Variants in ZBTB20 observed in about 807,000 individuals in gnomAD.
ZBTB20 encodes the protein zinc finger and BTB domain containing 20.
In ZBTB20, 9 loss-of-function variants were observed where a neutral mutation model predicts 56.9. The observed-to-expected ratio is 0.16, with a 90% CI of 0.10 to 0.28. The LOEUF is 0.28. Ranked by LOEUF, ZBTB20 falls within the 10% of genes least tolerant of loss-of-function variation. ZBTB20 has a pLI of 1.00. For missense variants in ZBTB20, 655 were observed against 1,003.0 expected (o/e 0.65, Z 4.69); for synonymous variants, 417 against 420.7 (o/e 0.99, Z 0.11).
chr3:114,935,009 G>T lies in ZBTB20; in HGVS notation c.-455-34667C>A, dbSNP rs183372440. Among the ~76,000 whole-genome samples, 283 of 152,176 alleles carry T rather than the reference G, an allele frequency of 1.9e-3. 1 individual carries two copies. The highest frequency in any genetic ancestry group is 6.4e-3 in the African/African-American group (265 of 41,510). Reference sequence around the variant, plus strand: ...AGATTTGATAGGCCTATCAAAATTGGTTTTTATAGATATGATTGCTACTTT... The same window carrying T: ...AGATTTGATAGGCCTATCAAAATTGTTTTTTATAGATATGATTGCTACTTT... On this transcript the variant is annotated intron_variant, in intron 3 of 11. Coordinates refer to ENST00000675478, the MANE Select transcript of ZBTB20 (RefSeq NM_001348800.3).
intron 7 of ZBTB20, among the ~76,000 whole-genome samples, chr3:114,428,886 T>A (rs1282443776): frequency 6.6e-6 from 1 of 152,214 alleles, no homozygotes; most frequent in African/African-American, 2.4e-5. Context: ...AAGTTAATTC[T>A]GTAGTTGGCA....
intron 2 of ZBTB20, among the ~76,000 whole-genome samples, chr3:115,036,297 T>C (rs1482014666): frequency 1.3e-5 from 2 of 152,186 alleles, no homozygotes; most frequent in Non-Finnish European, 2.9e-5. Context: ...TTGTGATTTT[T>C]TTTTCTTTCT....
At chr3:114,407,913 G>A (rs535232654) in intron 7 of ZBTB20, among the ~76,000 whole-genome samples, 2 of 97,706 alleles carry the variant, frequency 2.0e-5, no homozygotes, top group African/African-American at 6.4e-5. Flanking sequence ...CCTATATGAG[G>A]GGGGGGAAAC....
Position 114,700,815 on chromosome 3 carries a change from T to C in ZBTB20, c.-342-7240A>G, listed in dbSNP as rs187141490. Among the ~76,000 whole-genome samples the C allele has an allele frequency of 4.2e-4, 64 of 152,278 alleles. 1 individual carries two copies. The East Asian group carries it at 0.011, about 27-fold the overall frequency. Reference sequence around the variant, plus strand: ...AGCAGGGACATTGCTGCCAAAATCATTGTAATTAAGATTGGGTCATTGTTT... The same window carrying C: ...AGCAGGGACATTGCTGCCAAAATCACTGTAATTAAGATTGGGTCATTGTTT... On this transcript the variant is annotated intron_variant, in intron 5 of 11. Coordinates refer to ENST00000675478, the MANE Select transcript of ZBTB20 (RefSeq NM_001348800.3).
At chr3:114,723,961 C>T (rs900506889) in intron 5 of ZBTB20, among the ~76,000 whole-genome samples, 5 of 151,988 alleles carry the variant, frequency 3.3e-5, no homozygotes, top group Non-Finnish European at 7.4e-5. Context: ...CTCCGCCTCC[C>T]GGGTTCACGC....
At chr3:114,390,513 A>G (rs1484485286) in intron 7 of ZBTB20, among the ~76,000 whole-genome samples, 6 of 152,058 alleles carry the variant, frequency 3.9e-5, no homozygotes, top group Non-Finnish European at 8.8e-5. Flanking sequence ...CCTATACCTC[A>G]GTCTGCTATT....
At position 114,660,654 on chromosome 3, in the gene ZBTB20, G is replaced by A. The variant is rs1354573062; in HGVS notation, c.-295+32874C>T. 3.9e-5 allele frequency among the ~76,000 whole-genome samples: 6 copies of A among 152,110 alleles called. No individual in the cohort carries two copies. The East Asian group carries it at 7.8e-4, about 20-fold the overall frequency. ...ATGCCTAGTGACCTTCCATAATATC[G>A]CTGGATAACCACCCCCTGGATAACA... On this transcript the variant is annotated intron_variant, in intron 6 of 11. Transcript: ENST00000675478.
chr3:114,417,621 C>T (rs1450149208), intron 7 of ZBTB20, among the ~76,000 whole-genome samples: 1 of 152,044 alleles, frequency 6.6e-6, no homozygotes, highest in Non-Finnish European at 1.5e-5. Context: ...CTCTTGGAGT[C>T]TGAACAGTTC....
At chr3:114,423,790 G>T (rs1228987215) in intron 7 of ZBTB20, among the ~76,000 whole-genome samples, 1 of 152,180 alleles carries the variant, frequency 6.6e-6, no homozygotes, top group Non-Finnish European at 1.5e-5. Flanking sequence ...CTACTAGAGG[G>T]CAGGACAGGT....
chr3:114,647,365 C>T (rs1448655427), intron 6 of ZBTB20, among the ~76,000 whole-genome samples: 2 of 152,132 alleles, frequency 1.3e-5, no homozygotes, highest in African/African-American at 2.4e-5. Context: ...TTCACCATTT[C>T]CTTCCTTATA....
intron 9 of ZBTB20, 33 bp downstream of exon 9, chr3:114,380,741 TAAC>T: frequency 6.7e-7 from 1 of 1,487,592 alleles, no homozygotes. Flanking sequence ...TTAGGAGTTT[TAAC>T]ATGGTCTGGA....
rs1169388174 is a variant in ZBTB20, at chr3:114,320,438, A to G, written c.*18567T>C. The G allele has an allele frequency of 6.6e-6, 1 of 152,212 alleles. No individual in the cohort carries two copies. Among genetic ancestry groups the G allele is most frequent in the Non-Finnish European group, 1.5e-5 (1 of 68,030 alleles). The allele number at this position is 152,212 out of a possible 1,614,324, so 9.4% of individuals were successfully genotyped here. On this transcript the variant is annotated 3_prime_UTR_variant, in exon 12 of 12. Transcript: ENST00000675478. ...AAGAATAGCATGATGTGCAACCTCA[A>G]TTATATCAAAGAAAACAAATAGACA...
intron 6 of ZBTB20, among the ~76,000 whole-genome samples, chr3:114,608,788 TTTAC>T (rs1462640180): frequency 1.3e-5 from 2 of 152,222 alleles, no homozygotes; most frequent in Non-Finnish European, 2.9e-5. Flanking sequence ...GGTTTCTTTT[TTTAC>T]TTTTATTTCA....
At chr3:114,650,057 G>A (rs1443036115) in intron 6 of ZBTB20, among the ~76,000 whole-genome samples, 1 of 151,852 alleles carries the variant, frequency 6.6e-6, no homozygotes, top group East Asian at 1.9e-4. Flanking sequence ...AAATAAAATG[G>A]ATAAGAGTAT....
rs900640417 is a variant in ZBTB20, at chr3:114,967,239, T to C, written c.-456+7127A>G. On this transcript the variant is annotated intron_variant, in intron 3 of 11. Transcript: ENST00000675478. ...TTCAGAAGTGAAGAAATCATCTAAA[T>C]ATTAATAGATTTTATTAAATAGCAG... 2.0e-5 allele frequency among the ~76,000 whole-genome samples: 3 copies of C among 152,122 alleles called. No individual in the cohort carries two copies. In the East Asian group the frequency reaches 5.8e-4, roughly 29 times the overall value.
In ZBTB20 at chr3:115,078,888, G is replaced by T. The variant is rs147994216; in HGVS notation, c.-702-7474C>A. On this transcript the variant is annotated intron_variant, in intron 1 of 11. Transcript: ENST00000675478. ...TATTCCTTTTCTTTAACAATAGATT[G>T]TATCAAGTGAATTAAAAGAATGTAA... 1.2e-4 allele frequency among the ~76,000 whole-genome samples: 18 copies of T among 152,020 alleles called. No individual in the cohort carries two copies. In the East Asian group the frequency reaches 3.1e-3, roughly 26 times the overall value.
intron 1 of ZBTB20, among the ~76,000 whole-genome samples, chr3:115,145,504 ACAAGTAAATGC>A (rs66839906): frequency 0.13 from 19,724 of 152,170 alleles, 1,899 homozygotes; most frequent in East Asian, 0.58. Context: ...AACACCTAAT[ACAAGTAAATGC>A]CATGTATTAA....
intron 6 of ZBTB20, among the ~76,000 whole-genome samples, chr3:114,551,908 T>C (rs978803460): frequency 6.6e-6 from 1 of 152,174 alleles, no homozygotes; most frequent in Non-Finnish European, 1.5e-5. Context: ...TATAAATAAA[T>C]GGAAACTCAT....
intron 2 of ZBTB20, among the ~76,000 whole-genome samples, chr3:115,009,049 T>C (rs1031495632): frequency 2.0e-5 from 3 of 151,890 alleles, no homozygotes; most frequent in African/African-American, 7.2e-5. Context: ...ACACATATTT[T>C]TATGAATTAT....
Sources: gnomAD v4.1 joint callset for allele counts (sites outside exome capture counted in the v4.1 genomes callset) on GRCh38, gnomAD v4.1.1 for gene constraint, MANE v1.5 for transcripts, NCBI Gene and HGNC (gene_info 2026-07-23, HGNC 2026-07-21) for gene names.